The following ENOX1 variants were observed in gnomAD, a reference collection of about 807,000 sequenced individuals.
ENOX1 encodes candidate growth-related and time keeping constitutive hydroquinone (NADH) oxidase.
In ENOX1, 42 loss-of-function variants were observed where a neutral mutation model predicts 82.5. The ratio of observed to expected loss-of-function variants is 0.51; its 90% CI spans 0.40 to 0.66. The LOEUF is 0.66. ENOX1 is among the 30% of genes least tolerant of loss of function. ENOX1 has a pLI of 0.00. For synonymous variants in ENOX1, 271 were observed against 282.2 expected (o/e 0.96, Z 0.40); for missense variants, 608 against 811.6 (o/e 0.75, Z 3.05).
At chr13:43,655,054 C>T (rs1038224568) in intron 2 of ENOX1, among the ~76,000 whole-genome samples, 2 of 152,114 alleles carry the variant, frequency 1.3e-5, no homozygotes, top group African/African-American at 2.4e-5. Flanking sequence ...GAATGCTCAT[C>T]CATACACTCA....
At chr13:43,266,445 C>T (rs2044375786) in intron 13 of ENOX1, among the ~76,000 whole-genome samples, 1 of 152,140 alleles carries the variant, frequency 6.6e-6, no homozygotes, top group Admixed American at 6.6e-5. Context: ...CAAAAAAAAG[C>T]CCTACCCGCT....
At chr13:43,502,984 C>A (rs1284446113) in intron 2 of ENOX1, among the ~76,000 whole-genome samples, 2 of 151,498 alleles carry the variant, frequency 1.3e-5, no homozygotes, top group Non-Finnish European at 3.0e-5. Flanking sequence ...AGTCCATACA[C>A]ACAGAAAGTG....
rs1225702108 is a variant in ENOX1, at chr13:43,298,410, T to C, written c.1382A>G (p.Glu461Gly). ...KQEKEQLFRTEENLTKDQQLQ... is the reference protein window; with the variant it reads ...KQEKEQLFRTGENLTKDQQLQ... ...TTGCTGGTCCTTGGTGAGGTTTTCTTCTGTTCGGAAAAGCTGTTCTTTTTC... is the reference window on the plus strand; with the variant it reads ...TTGCTGGTCCTTGGTGAGGTTTTCTCCTGTTCGGAAAAGCTGTTCTTTTTC... Residue 461 changes from glutamate to glycine, a missense_variant, in exon 12 of 17, where the codon GAA becomes GGA. Coordinates refer to ENST00000690772, the MANE Select transcript of ENOX1 (RefSeq NM_001347969.2). 3.5e-5 allele frequency: 56 copies of C among 1,614,172 alleles called. No individual in the cohort carries two copies. Among genetic ancestry groups the C allele is most frequent in the Non-Finnish European group, 4.7e-5 (55 of 1,180,030 alleles).
chr13:43,284,847 GAC>G (rs917341701), intron 12 of ENOX1, among the ~76,000 whole-genome samples: 2 of 151,672 alleles, frequency 1.3e-5, no homozygotes, highest in African/African-American at 4.8e-5. Context: ...TAGAGACAGA[GAC>G]ACAGAGAAGA....
intron 5 of ENOX1, among the ~76,000 whole-genome samples, chr13:43,391,705 C>T (rs1453483202): frequency 6.6e-6 from 1 of 152,140 alleles, no homozygotes; most frequent in Non-Finnish European, 1.5e-5. Context: ...CCTTATCTCT[C>T]CAACTTCACT....
intron 1 of ENOX1, among the ~76,000 whole-genome samples, chr13:43,735,661 C>G (rs971326409): frequency 7.2e-5 from 11 of 151,960 alleles, no homozygotes; most frequent in African/African-American, 2.7e-4. Flanking sequence ...GTGGAGATTG[C>G]AGTGAGCTGA....
At chr13:43,533,557 A>C (rs534531576) in intron 2 of ENOX1, among the ~76,000 whole-genome samples, 1 of 152,230 alleles carries the variant, frequency 6.6e-6, no homozygotes, top group Non-Finnish European at 1.5e-5. Flanking sequence ...GGTGATGCAC[A>C]CGGCCCTTAA....
intron 2 of ENOX1, among the ~76,000 whole-genome samples, chr13:43,489,041 G>A (rs1270524955): frequency 1.3e-5 from 2 of 151,980 alleles, no homozygotes; most frequent in African/African-American, 4.8e-5. Context: ...AGAAAACCAA[G>A]TGCATGACCA....
intron 1 of ENOX1, among the ~76,000 whole-genome samples, chr13:43,778,871 C>T (rs1406424062): frequency 6.6e-6 from 1 of 152,202 alleles, no homozygotes. Flanking sequence ...GGAGGGCTAA[C>T]ACTCATCTGG....
intron 12 of ENOX1, among the ~76,000 whole-genome samples, chr13:43,277,241 A>C (rs1026150783): frequency 1.3e-5 from 2 of 152,184 alleles, no homozygotes; most frequent in Non-Finnish European, 2.9e-5. Flanking sequence ...TTGAATTTTA[A>C]ATGCCATTCT....
At chr13:43,628,920 G>A (rs947960110) in intron 2 of ENOX1, among the ~76,000 whole-genome samples, 1 of 152,168 alleles carries the variant, frequency 6.6e-6, no homozygotes, top group Admixed American at 6.5e-5. Context: ...ACTGATGTGA[G>A]GGTAGCACCA....
chr13:43,552,897 C>T (rs1472060360), intron 2 of ENOX1, among the ~76,000 whole-genome samples: 1 of 152,184 alleles, frequency 6.6e-6, no homozygotes, highest in Non-Finnish European at 1.5e-5. Context: ...TAGGGAGGAG[C>T]TTCACTGGTC....
chr13:43,778,615 T>C (rs2153839519), intron 1 of ENOX1, among the ~76,000 whole-genome samples: 1 of 152,346 alleles, frequency 6.6e-6, no homozygotes, highest in East Asian at 1.9e-4. Context: ...AGATCTCTCT[T>C]CAGCTCTCCT....
chr13:43,332,612 A>G (rs2048470360), intron 9 of ENOX1, among the ~76,000 whole-genome samples: 1 of 152,264 alleles, frequency 6.6e-6, no homozygotes, highest in Non-Finnish European at 1.5e-5. Context: ...CAAATAAAAC[A>G]GAAAGATATT....
At chr13:43,239,322 G>C (rs917352822) in intron 14 of ENOX1, among the ~76,000 whole-genome samples, 3 of 152,146 alleles carry the variant, frequency 2.0e-5, no homozygotes, top group Non-Finnish European at 2.9e-5. Flanking sequence ...AGGCTTGGCA[G>C]ACATCTCAGC....
At chr13:43,344,919 T>A (rs1327929429) in intron 8 of ENOX1, among the ~76,000 whole-genome samples, 169 bp from the exon 9 acceptor site, 2 of 152,184 alleles carry the variant, frequency 1.3e-5, no homozygotes, top group African/African-American at 4.8e-5. Context: ...AACTTCTCTT[T>A]TCCCATCTAA....
At chr13:43,228,598 T>C (rs2042131264) in intron 15 of ENOX1, among the ~76,000 whole-genome samples, 1 of 152,178 alleles carries the variant, frequency 6.6e-6, no homozygotes, top group Non-Finnish European at 1.5e-5. Context: ...ATCAAAACCA[T>C]CTAGTTTATT....
chr13:43,558,039 G>A (rs755967651), intron 2 of ENOX1, among the ~76,000 whole-genome samples: 2 of 152,060 alleles, frequency 1.3e-5, no homozygotes, highest in African/African-American at 4.8e-5. Flanking sequence ...ACTTAGAGGG[G>A]TCCCATCCAT....
intron 2 of ENOX1, among the ~76,000 whole-genome samples, chr13:43,599,953 C>T (rs1475178607): frequency 1.3e-5 from 2 of 151,762 alleles, no homozygotes; most frequent in Admixed American, 6.6e-5. Context: ...AAGAAAAGGA[C>T]CCAATCTTGG....
Sources: gnomAD v4.1 joint callset for allele counts (sites outside exome capture counted in the v4.1 genomes callset) on GRCh38, gnomAD v4.1.1 for gene constraint, MANE v1.5 for transcripts, NCBI Gene and HGNC (gene_info 2026-07-23, HGNC 2026-07-21) for gene names.